The following ONECUT1 variants were observed in gnomAD, a reference collection of about 807,000 sequenced individuals.
The protein encoded by ONECUT1 is hepatocyte nuclear factor 6.
In ONECUT1, 12 loss-of-function variants were observed where a neutral mutation model predicts 25.6. The ratio of observed to expected loss-of-function variants is 0.47; its 90% confidence interval spans 0.30 to 0.76. The LOEUF is 0.76. ONECUT1 is among the 30% of genes least tolerant of loss of function. The probability of loss-of-function intolerance (pLI) is 0.07; values close to 1 mark genes in which losing one functional copy is unlikely to be tolerated. For synonymous variants in ONECUT1, 285 were observed against 270.2 expected (o/e 1.05, Z -0.54); for missense variants, 620 against 651.2 (o/e 0.95, Z 0.52).
At chr15:52,778,258 C>G (rs1419090677) in intron 1 of ONECUT1, among the ~76,000 whole-genome samples, 1 of 152,118 alleles carries the variant, frequency 6.6e-6, no homozygotes, top group Non-Finnish European at 1.5e-5. Context: ...CTTCCCCTAT[C>G]CTCTAAATTT....
rs6493579 is a variant in ONECUT1, at chr15:52,755,250, C to G, written c.*2305G>C. On this transcript the variant is annotated 3_prime_UTR_variant, in exon 2 of 2. Coordinates refer to ENST00000305901, the MANE Select transcript of ONECUT1 (RefSeq NM_004498.4). ...TAAATACATTATGTAGCTGTATCCC[C>G]GGCTCCCTCCATCCCTGGAGAGAGA... 0.096 allele frequency among the ~76,000 whole-genome samples: 14,615 copies of G among 152,036 alleles called. 1,259 individuals carry two copies. Among genetic ancestry groups the G allele is most frequent in the African/African-American group, 0.24 (9,822 of 41,414 alleles).
intron 1 of ONECUT1, among the ~76,000 whole-genome samples, chr15:52,763,245 G>A (rs1304547437): frequency 3.3e-5 from 5 of 152,164 alleles, no homozygotes; most frequent in East Asian, 1.9e-4. Flanking sequence ...CACTGGCAAA[G>A]TATATCAGAC....
chr15:52,785,161 C>T (rs966859660), intron 1 of ONECUT1, among the ~76,000 whole-genome samples: 2 of 152,256 alleles, frequency 1.3e-5, no homozygotes, highest in African/African-American at 4.8e-5. Context: ...GCACTCCTGC[C>T]TGACTCCCAT....
chr15:52,780,946 G>C, intron 1 of ONECUT1: 8 of 1,180,496 alleles, frequency 6.8e-6, no homozygotes, highest in Non-Finnish European at 7.4e-6. Flanking sequence ...TGCAGTGTTT[G>C]ACAGAAATTG....
intron 1 of ONECUT1, among the ~76,000 whole-genome samples, chr15:52,777,536 C>T (rs933684802): frequency 6.6e-6 from 1 of 152,094 alleles, no homozygotes; most frequent in African/African-American, 2.4e-5. Context: ...TAATTCTGAT[C>T]TAAGAGCTCT....
In ONECUT1 at chr15:52,770,861, T is replaced by TGA. The variant is rs536066470; in HGVS notation, c.1106-13016_1106-13015dup. ...AGGATATGAACTCTGTGTCAGTTTA[T>TGA]GAGAGAGAGAGAGAGAGAACATTTA... On this transcript the variant is annotated intron_variant, in intron 1 of 1. Transcript: ENST00000305901. 5.1e-4 allele frequency among the ~76,000 whole-genome samples: 77 copies of TGA among 150,972 alleles called. No homozygotes were observed. In the South Asian group the frequency reaches 0.012, roughly 24 times the overall value.
At chr15:52,760,436 T>C (rs1185491496) in intron 1 of ONECUT1, among the ~76,000 whole-genome samples, 1 of 152,226 alleles carries the variant, frequency 6.6e-6, no homozygotes, top group African/African-American at 2.4e-5. Flanking sequence ...ACAACACAGG[T>C]TTTGCTCTTA....
At chr15:52,768,800 T>C (rs2083749516) in intron 1 of ONECUT1, among the ~76,000 whole-genome samples, 1 of 152,236 alleles carries the variant, frequency 6.6e-6, no homozygotes. Flanking sequence ...AAGTTGTCTG[T>C]AGAATCAAAC....
chr15:52,777,024 G>A (rs2083805335), intron 1 of ONECUT1, among the ~76,000 whole-genome samples: 1 of 152,206 alleles, frequency 6.6e-6, no homozygotes, highest in Non-Finnish European at 1.5e-5. Context: ...TGTTTAGGGA[G>A]CCACACTTTG....
In ONECUT1 at chr15:52,779,285, T is replaced by C. The variant is rs563888791; in HGVS notation, c.1105+9495A>G. Among the ~76,000 whole-genome samples the C allele has an allele frequency of 5.9e-5, 9 of 152,150 alleles. No homozygotes were observed. In the South Asian group the frequency reaches 1.9e-3, roughly 32 times the overall value. The stretch of plus-strand genomic sequence containing the variant: ...TTTGTATTTTAGTACAGACAGGGTT[T>C]CACCCTGTTGGCCAGGATGGTCTCG... On this transcript the variant is annotated intron_variant, in intron 1 of 1. Coordinates refer to ENST00000305901, the MANE Select transcript of ONECUT1 (RefSeq NM_004498.4).
rs181574377 is a variant in ONECUT1, at chr15:52,772,022, C to G, written c.1106-14175G>C. 1.8e-3 allele frequency among the ~76,000 whole-genome samples: 280 copies of G among 152,270 alleles called. 4 individuals carry two copies. Among genetic ancestry groups the G allele is most frequent in the South Asian group, 0.016 (76 of 4,828 alleles). ...TCTGTGGGACTGGGCCCAGGTAACC[C>G]TCCTCTCTCCCCACAGTGAACTTGT... On this transcript the variant is annotated intron_variant, in intron 1 of 1. Coordinates refer to ENST00000305901, the MANE Select transcript of ONECUT1 (RefSeq NM_004498.4).
chr15:52,780,305 C>A (rs1346360791), intron 1 of ONECUT1, among the ~76,000 whole-genome samples: 1 of 152,182 alleles, frequency 6.6e-6, no homozygotes, highest in African/African-American at 2.4e-5. Flanking sequence ...ACTTCTGGTT[C>A]CAGTTTTCCT....
intron 1 of ONECUT1, among the ~76,000 whole-genome samples, chr15:52,780,036 G>A (rs947237219): frequency 6.6e-6 from 1 of 152,204 alleles, no homozygotes; most frequent in African/African-American, 2.4e-5. Context: ...TTCTGGAGCT[G>A]TGTCCTTCAG....
At chr15:52,764,134 A>C (rs1415166927) in intron 1 of ONECUT1, among the ~76,000 whole-genome samples, 5 of 152,208 alleles carry the variant, frequency 3.3e-5, no homozygotes, top group Non-Finnish European at 5.9e-5. Context: ...TGCTGATTGG[A>C]TTATGCAAAA....
chr15:52,767,503 C>G (rs962763381), intron 1 of ONECUT1, among the ~76,000 whole-genome samples: 1 of 152,162 alleles, frequency 6.6e-6, no homozygotes, highest in African/African-American at 2.4e-5. Flanking sequence ...CACACACTTT[C>G]CTGAGCACAG....
At position 52,767,837 on chromosome 15, in the gene ONECUT1, A is replaced by T. The variant is rs2083743762; in HGVS notation, c.1106-9990T>A. The stretch of plus-strand genomic sequence containing the variant: ...GATAAAGAAAATGTGGTAGATATAC[A>T]TATATACATATTATTCAGCCATAAA... On this transcript the variant is annotated intron_variant, in intron 1 of 1. Transcript: ENST00000305901. Among the ~76,000 whole-genome samples the T allele has an allele frequency of 1.3e-5, 2 of 152,250 alleles. 1 individual carries two copies. Among genetic ancestry groups the T allele is most frequent in the South Asian group, 4.1e-4 (2 of 4,830 alleles).
At position 52,790,064 on chromosome 15, in the gene ONECUT1, TGC is replaced by T. The variant is rs1312974778; in HGVS notation, c.-182_-181del. 6.6e-6 allele frequency: 6 copies of T among 912,748 alleles called. No homozygotes were observed. The African/African-American group carries it at 9.4e-5, about 14-fold the overall frequency. The allele number at this position is 912,748 out of a possible 1,614,324, so 56.5% of individuals were successfully genotyped here. Reference sequence around the variant, plus strand: ...GTGTGTGTGTGTCCGTGTGTGCGTGTGCGTGTGTGTGTGTGTGTGTGTCTCGC... The same window carrying T: ...GTGTGTGTGTGTCCGTGTGTGCGTGTGTGTGTGTGTGTGTGTGTGTCTCGC... On this transcript the variant is annotated 5_prime_UTR_variant, in exon 1 of 2. Coordinates refer to ENST00000305901, the MANE Select transcript of ONECUT1 (RefSeq NM_004498.4).
Position 52,789,468 on chromosome 15 carries a change from C to G in ONECUT1, c.417G>C (p.Gln139His), listed in dbSNP as rs780164737. The G allele has an allele frequency of 1.2e-6, 2 of 1,613,608 alleles. No individual in the cohort carries two copies. Among genetic ancestry groups the G allele is most frequent in the South Asian group, 2.2e-5 (2 of 91,046 alleles). ...TACCGCTCACGTTGCCCGCCAGGCGCTGGTGGTGGTGCGGGTGGTGGTGGT... is the reference window on the plus strand; with the variant it reads ...TACCGCTCACGTTGCCCGCCAGGCGGTGGTGGTGGTGCGGGTGGTGGTGGT... ...HHHHHHPHHHQRLAGNVSGSF... is the reference protein window; with the variant it reads ...HHHHHHPHHHHRLAGNVSGSF... Residue 139 changes from glutamine to histidine, a missense_variant, in exon 1 of 2, where the codon CAG becomes CAC. By Grantham distance (24) the Gln-to-His change is conservative. This residue lies in a region of ONECUT1 where 440 missense variants were observed against 404.9 expected (regional missense o/e 1.09). Coordinates refer to ENST00000305901, the MANE Select transcript of ONECUT1 (RefSeq NM_004498.4). This position sits in a 1 kb window ranked among gnomAD's most constrained non-coding sequence, Gnocchi z 4.1.
At position 52,789,922 on chromosome 15, in the gene ONECUT1, T is replaced by A. The variant is rs368408910; in HGVS notation, c.-38A>T. On this transcript the variant is annotated 5_prime_UTR_variant, in exon 1 of 2. Transcript: ENST00000305901. This position sits in a 1 kb window ranked among gnomAD's most constrained non-coding sequence, Gnocchi z 4.1. Reference sequence around the variant, plus strand: ...GAGCAGGCGGCGGACACAACATCGATGTGGCCAGGCAGAGGCGGCGAGGGG... The same window carrying A: ...GAGCAGGCGGCGGACACAACATCGAAGTGGCCAGGCAGAGGCGGCGAGGGG... 2.0e-6 allele frequency: 3 copies of A among 1,494,378 alleles called. No homozygotes were observed. The highest frequency in any genetic ancestry group is 2.6e-6 in the Non-Finnish European group (3 of 1,134,300). The allele number at this position is 1,494,378 out of a possible 1,614,324, so 92.6% of individuals were successfully genotyped here.
Sources: gnomAD v4.1 joint callset for allele counts (sites outside exome capture counted in the v4.1 genomes callset) on GRCh38, gnomAD v4.1.1 for gene constraint, gnomAD v4.1.1 regional missense constraint, Gnocchi (gnomAD v3.1) non-coding constraint, MANE v1.5 for transcripts, NCBI Gene and HGNC (gene_info 2026-07-23, HGNC 2026-07-21) for gene names.